Variants in SRRM3 observed in about 807,000 individuals in gnomAD.
SRRM3 encodes serine/arginine repetitive matrix 3.
SRRM3 carries 27 observed loss-of-function variants against 66.2 expected under a neutral mutation model. The observed-to-expected ratio is 0.41, with a 90% CI of 0.30 to 0.56. The LOEUF is 0.56. Among genes scored for constraint, SRRM3 ranks in the 20% least tolerant of loss-of-function variants. The pLI, the probability that SRRM3 is intolerant of heterozygous loss-of-function variation, is 0.32. For synonymous variants in SRRM3, 391 were observed against 414.9 expected, an observed-to-expected ratio of 0.94 and a Z score of 0.70; for missense variants, 918 against 991.9, an observed-to-expected ratio of 0.93 and a Z score of 1.00.
At chr7:76,234,125 G>T (rs915265105) in intron 1 of SRRM3, among the ~76,000 whole-genome samples, 5 of 141,402 alleles carry the variant, frequency 3.5e-5, no homozygotes, top group Non-Finnish European at 6.1e-5. Flanking sequence ...GCAACTAGCA[G>T]ATCCTTGGAG....
chr7:76,223,833 TTCCCTTCCCTTCCCTTCCCTTCCCTTCCC>T, intron 1 of SRRM3, among the ~76,000 whole-genome samples: 1 of 63,584 alleles, frequency 1.6e-5, no homozygotes, highest in South Asian at 7.0e-4. Flanking sequence ...TTCCCTTCCC[TTCCCTTCCCTTCCCTTCCCTTCCCTTCCC>T]TTCCCTTCCC....
At chr7:76,254,376 C>T (rs1207762605) in intron 3 of SRRM3, among the ~76,000 whole-genome samples, 1 of 151,990 alleles carries the variant, frequency 6.6e-6, no homozygotes, top group Non-Finnish European at 1.5e-5. Context: ...TGGAGTGCAA[C>T]GGCACGATCT....
Position 76,267,233 on chromosome 7 carries a change from C to A in SRRM3, c.831-25C>A, listed in dbSNP as rs782598815. The A allele has an allele frequency of 1.5e-5, 23 of 1,505,258 alleles. No homozygotes were observed. The South Asian group carries it at 2.4e-4, about 16-fold the overall frequency. 93.2% of individuals were successfully genotyped at this position (1,505,258 alleles called of 1,614,324 possible). ...AGCGGGTGTCCCACGCCGACTCCCC[C>A]ATTCTTCCTGGCGCCTAACCCCAGG... On this transcript the variant is annotated intron_variant, in intron 10 of 14. Coordinates refer to ENST00000611745, the MANE Select transcript of SRRM3 (RefSeq NM_001110199.3).
At chr7:76,220,835 G>A (rs2116961524) in intron 1 of SRRM3, among the ~76,000 whole-genome samples, 1 of 152,278 alleles carries the variant, frequency 6.6e-6, no homozygotes, top group African/African-American at 2.4e-5. Context: ...GCTCCAGCAG[G>A]GGCAGCAGGA....
chr7:76,232,653 G>A (rs917047032), intron 1 of SRRM3, among the ~76,000 whole-genome samples: 3 of 152,078 alleles, frequency 2.0e-5, no homozygotes, highest in East Asian at 1.9e-4. Context: ...GCCTATGAGC[G>A]GTGACTTTGA....
intron 11 of SRRM3, among the ~76,000 whole-genome samples, chr7:76,281,173 CTG>C (rs1374654058): frequency 3.4e-4 from 51 of 150,828 alleles, no homozygotes; most frequent in Admixed American, 2.2e-3. Context: ...TTTCTTCTCT[CTG>C]TCTTTCCTCT....
intron 10 of SRRM3, 72 bp from the exon 11 acceptor site, chr7:76,267,186 G>A: frequency 1.5e-6 from 2 of 1,350,310 alleles, no homozygotes; most frequent in Non-Finnish European, 1.9e-6. Flanking sequence ...AAGGGGGAAA[G>A]AGGAGGCGCA....
At chr7:76,230,871 C>T (rs868961837) in intron 1 of SRRM3, among the ~76,000 whole-genome samples, 3 of 152,036 alleles carry the variant, frequency 2.0e-5, no homozygotes, top group African/African-American at 7.2e-5. Flanking sequence ...GTGCCTCAGC[C>T]TGCTGAGTAG....
chr7:76,253,498 G>A (rs1028558416), intron 3 of SRRM3, among the ~76,000 whole-genome samples: 1 of 151,930 alleles, frequency 6.6e-6, no homozygotes, highest in African/African-American at 2.4e-5. Flanking sequence ...GTGGGCACCT[G>A]TAGTCTCCGC....
chr7:76,214,435 T>C (rs925546418), intron 1 of SRRM3, among the ~76,000 whole-genome samples: 5 of 152,198 alleles, frequency 3.3e-5, no homozygotes, highest in Non-Finnish European at 7.3e-5. Context: ...TTTAGGCTAA[T>C]CAGATTAATT....
intron 2 of SRRM3, among the ~76,000 whole-genome samples, chr7:76,239,437 T>A (rs1238842196): frequency 2.0e-5 from 3 of 152,132 alleles, no homozygotes; most frequent in Non-Finnish European, 4.4e-5. Flanking sequence ...GGCTCATGCC[T>A]ATAATCCCAG....
chr7:76,222,548 TG>T (rs147428400), intron 1 of SRRM3, among the ~76,000 whole-genome samples: 5,598 of 152,000 alleles, frequency 0.037, 326 homozygotes, highest in African/African-American at 0.13. Flanking sequence ...CTGAAGGCCC[TG>T]GGGACCTGGC....
At chr7:76,226,843 G>A (rs1201768369) in intron 1 of SRRM3, among the ~76,000 whole-genome samples, 6 of 151,982 alleles carry the variant, frequency 3.9e-5, no homozygotes, top group South Asian at 2.1e-4. Context: ...CACCTGCTTC[G>A]GCCTCCCAAA....
In SRRM3 at chr7:76,285,589, T is replaced by C; in HGVS notation, c.1734-26T>C. On this transcript the variant is annotated intron_variant, in intron 14 of 14. Coordinates refer to ENST00000611745, the MANE Select transcript of SRRM3 (RefSeq NM_001110199.3). This position sits in a 1 kb window ranked among gnomAD's most constrained non-coding sequence, Gnocchi z 4.1. Reference sequence around the variant, plus strand: ...ATGGGGCTCGGGGCCTGGGATGGCCTGTAATCAGCTTTTTCTTCCCGGCAG... The same window carrying C: ...ATGGGGCTCGGGGCCTGGGATGGCCCGTAATCAGCTTTTTCTTCCCGGCAG... The C allele has an allele frequency of 6.5e-7, 1 of 1,538,030 alleles. No homozygotes were observed. The highest frequency in any genetic ancestry group is 8.8e-7 in the Non-Finnish European group (1 of 1,137,832).
chr7:76,204,312 C>G lies in SRRM3; in HGVS notation c.-40+2245C>G, dbSNP rs192716470. On this transcript the variant is annotated intron_variant, in intron 1 of 14. Coordinates refer to ENST00000611745, the MANE Select transcript of SRRM3 (RefSeq NM_001110199.3). ...GGCACCAATGGGGAGGTTAGAGAAG[C>G]CCAGCCCCTCTTTCTTCACTCCTAC... 2.4e-3 allele frequency among the ~76,000 whole-genome samples: 370 copies of G among 152,278 alleles called. 2 individuals are homozygous for G. The highest frequency in any genetic ancestry group is 8.3e-3 in the African/African-American group (345 of 41,560).
At chr7:76,258,784 C>G (rs1181163442) in intron 3 of SRRM3, among the ~76,000 whole-genome samples, 1 of 149,844 alleles carries the variant, frequency 6.7e-6, no homozygotes, top group Non-Finnish European at 1.5e-5. Context: ...TCGCCGTGCG[C>G]GGTGGCTCAC....
intron 11 of SRRM3, among the ~76,000 whole-genome samples, chr7:76,270,633 G>A (rs905363971): frequency 1.3e-5 from 2 of 151,940 alleles, no homozygotes; most frequent in Non-Finnish European, 1.5e-5. Context: ...CTAACATGGC[G>A]AACCCCCGTC....
Position 76,281,635 on chromosome 7 carries a change from C to G in SRRM3, c.1203C>G (p.Ser401=). ...RRRRRSRSSA[S]APRRRGRRRP... is the part of the protein sequence containing the mutation. ...GGCGGCGCTCGCGGTCCTCGGCGTC[C>G]GCGCCCCGCCGCAGGGGTCGCCGGC... Residue 401 remains serine (S), a synonymous_variant, in exon 12 of 15, where the codon TCC becomes TCG. Transcript: ENST00000611745. 1.0e-6 allele frequency: 1 copy of G among 973,134 alleles called. No homozygotes were observed. 60.3% of individuals were successfully genotyped at this position (973,134 alleles called of 1,614,324 possible).
chr7:76,212,697 G>A (rs565026341), intron 1 of SRRM3, among the ~76,000 whole-genome samples: 36 of 152,140 alleles, frequency 2.4e-4, no homozygotes, highest in Admixed American at 9.8e-4. Flanking sequence ...TCAAACTCCT[G>A]GCCTCAAGTG....
Sources: gnomAD v4.1 joint callset for allele counts (sites outside exome capture counted in the v4.1 genomes callset) on GRCh38, gnomAD v4.1.1 for gene constraint, Gnocchi (gnomAD v3.1) non-coding constraint, MANE v1.5 for transcripts, NCBI Gene and HGNC (gene_info 2026-07-23, HGNC 2026-07-21) for gene names.